The following KIAA1217 variants were observed in gnomAD, a reference collection of about 807,000 sequenced individuals.
The protein encoded by KIAA1217 is KIAA1217, also known as sickle tail protein homolog.
A neutral mutation model predicts 163.9 loss-of-function variants in KIAA1217; 88 were observed. The observed-to-expected ratio is 0.54, with a 90% CI of 0.45 to 0.64. The LOEUF is 0.64. Ranked by LOEUF, KIAA1217 falls within the 30% of genes least tolerant of loss-of-function variation. The pLI is 0.00. For synonymous variants in KIAA1217, 903 were observed against 923.1 expected, an observed-to-expected ratio of 0.98 and a Z score of 0.39; for missense variants, 2,372 against 2,475.0, an observed-to-expected ratio of 0.96 and a Z score of 0.88.
chr10:24,358,845 T>C (rs2049486329), intron 2 of KIAA1217, among the ~76,000 whole-genome samples: 1 of 152,214 alleles, frequency 6.6e-6, no homozygotes, highest in South Asian at 2.1e-4. Flanking sequence ...CAGCACTCCA[T>C]TGTATGCATA....
chr10:23,951,844 C>G (rs1844349936), intron 1 of KIAA1217, among the ~76,000 whole-genome samples: 1 of 152,158 alleles, frequency 6.6e-6, no homozygotes, highest in African/African-American at 2.4e-5. Flanking sequence ...CATCTCATCT[C>G]TTACTATTGA....
chr10:24,281,097 A>G (rs539764743), intron 2 of KIAA1217, among the ~76,000 whole-genome samples: 12 of 152,324 alleles, frequency 7.9e-5, no homozygotes, highest in Admixed American at 6.5e-4. Flanking sequence ...TAAAGTTTTC[A>G]TTTTAGAACA....
At chr10:23,934,578 TA>T (rs1843415610) in intron 1 of KIAA1217, among the ~76,000 whole-genome samples, 3 of 80,328 alleles carry the variant, frequency 3.7e-5, no homozygotes, top group African/African-American at 3.6e-4. Context: ...TATATATATA[TA>T]TATATATATA....
intron 1 of KIAA1217, among the ~76,000 whole-genome samples, chr10:24,213,545 T>C (rs1366484869): frequency 7.3e-6 from 1 of 137,646 alleles, no homozygotes; most frequent in Admixed American, 7.3e-5. Flanking sequence ...ACATGACATT[T>C]AGAGTCTATA....
intron 5 of KIAA1217, among the ~76,000 whole-genome samples, chr10:24,459,004 C>T (rs773969661): frequency 7.9e-5 from 12 of 151,838 alleles, no homozygotes; most frequent in Non-Finnish European, 1.5e-4. Context: ...AATACAGATT[C>T]CTCGGCACCA....
chr10:24,545,884 C>T lies in KIAA1217; in HGVS notation c.5392C>T (p.Pro1798Ser), dbSNP rs1415284240. 2.5e-6 allele frequency: 4 copies of T among 1,613,628 alleles called. No homozygotes were observed. The highest frequency in any genetic ancestry group is 3.4e-6 in the Non-Finnish European group (4 of 1,179,846). ...CTTTAAGCCTACTTCCCCCTCCTTACCTGCTTCTAAGATTCCAGCCCTTTC... is the reference window on the plus strand; with the variant it reads ...CTTTAAGCCTACTTCCCCCTCCTTATCTGCTTCTAAGATTCCAGCCCTTTC... ...GDFKPTSPSL[P>S]ASKIPALSPS... Residue 1798 changes from proline (P) to serine (S), a missense_variant, in exon 21 of 21, where the codon CCT becomes TCT. By Grantham distance (74) the Pro-to-Ser change is moderately conservative (BLOSUM62 -1). Coordinates refer to ENST00000376454, the MANE Select transcript of KIAA1217 (RefSeq NM_019590.5).
At chr10:24,030,564 G>A (rs1376925122) in intron 2 of KIAA1217, among the ~76,000 whole-genome samples, 1 of 152,108 alleles carries the variant, frequency 6.6e-6, no homozygotes, top group East Asian at 1.9e-4. Context: ...CTTTGTAGCG[G>A]TGTGAAAAAG....
rs576740379 is a variant in KIAA1217, at chr10:24,290,014, A to G, written c.354+70105A>G. On this transcript the variant is annotated intron_variant, in intron 2 of 20. Transcript: ENST00000376454. Reference sequence around the variant, plus strand: ...GAATAGAGTTGAAGATTTCAGATGTAGAGCAACAGTTCCGAGTGATACTAA... The same window carrying G: ...GAATAGAGTTGAAGATTTCAGATGTGGAGCAACAGTTCCGAGTGATACTAA... Among the ~76,000 whole-genome samples, 131 of 152,296 alleles carry G rather than the reference A, an allele frequency of 8.6e-4. 1 individual carries two copies. The highest frequency in any genetic ancestry group is 3.0e-3 in the African/African-American group (126 of 41,576).
chr10:24,403,049 C>CA (rs556606445), intron 3 of KIAA1217, among the ~76,000 whole-genome samples: 2 of 151,432 alleles, frequency 1.3e-5, no homozygotes, highest in Admixed American at 6.6e-5. Context: ...ACACTTAATA[C>CA]AAAAAAAACT....
At chr10:23,854,493 G>T (rs1325344460) in intron 1 of KIAA1217, among the ~76,000 whole-genome samples, 1 of 152,176 alleles carries the variant, frequency 6.6e-6, no homozygotes, top group African/African-American at 2.4e-5. Context: ...ATATTCTGTT[G>T]ATGTGGGGTG....
At chr10:23,824,180 G>A (rs1588892789) in intron 1 of KIAA1217, among the ~76,000 whole-genome samples, 1 of 152,148 alleles carries the variant, frequency 6.6e-6, no homozygotes, top group Middle Eastern at 3.4e-3. Flanking sequence ...GGCTGAAGTG[G>A]GAGGATCACT....
intron 2 of KIAA1217, among the ~76,000 whole-genome samples, chr10:24,338,668 A>C (rs2046694093): frequency 6.6e-6 from 1 of 152,274 alleles, no homozygotes; most frequent in South Asian, 2.1e-4. Flanking sequence ...TTCTTTTCAC[A>C]TAATGTAAAC....
At chr10:24,218,822 T>C (rs2069194057) in intron 1 of KIAA1217, among the ~76,000 whole-genome samples, 1 of 152,074 alleles carries the variant, frequency 6.6e-6, no homozygotes, top group South Asian at 2.1e-4. Flanking sequence ...TTCTTATGCT[T>C]GCTTGGTTTA....
At chr10:24,175,646 T>C (rs2065847425) in intron 2 of KIAA1217, among the ~76,000 whole-genome samples, 1 of 152,170 alleles carries the variant, frequency 6.6e-6, no homozygotes, top group African/African-American at 2.4e-5. Flanking sequence ...CGGTGAGTGT[T>C]ACAGTCCTTA....
intron 1 of KIAA1217, among the ~76,000 whole-genome samples, chr10:23,882,244 C>T (rs933683552): frequency 6.6e-6 from 1 of 151,916 alleles, no homozygotes; most frequent in Non-Finnish European, 1.5e-5. Flanking sequence ...ATGTGACAAA[C>T]CTGAGTCAGT....
At chr10:24,160,325 A>G (rs189466642) in intron 2 of KIAA1217, among the ~76,000 whole-genome samples, 1 of 152,302 alleles carries the variant, frequency 6.6e-6, no homozygotes, top group East Asian at 1.9e-4. Context: ...ATGATATTTT[A>G]GCAATATTAA....
At chr10:23,850,160 T>G (rs1839241193) in intron 1 of KIAA1217, among the ~76,000 whole-genome samples, 1 of 152,106 alleles carries the variant, frequency 6.6e-6, no homozygotes, top group Admixed American at 6.6e-5. Context: ...AGGTGCCTTA[T>G]TGTTCTAACA....
chr10:24,339,656 G>A (rs762528493), intron 2 of KIAA1217, among the ~76,000 whole-genome samples: 1 of 152,206 alleles, frequency 6.6e-6, no homozygotes, highest in Non-Finnish European at 1.5e-5. Flanking sequence ...CATTATCACT[G>A]TTTTACAAGA....
chr10:24,490,908 A>T (rs1460103178), intron 6 of KIAA1217, among the ~76,000 whole-genome samples: 1 of 152,218 alleles, frequency 6.6e-6, no homozygotes, highest in African/African-American at 2.4e-5. Flanking sequence ...TTCCTCACAG[A>T]TACAAAAAGG....
Sources: allele counts gnomAD v4.1 joint callset (sites outside exome capture counted in the v4.1 genomes callset), GRCh38; gene constraint gnomAD v4.1.1; transcripts MANE v1.5; gene names NCBI Gene and HGNC (gene_info 2026-07-23, HGNC 2026-07-21).